Variants in MYBL2 observed in about 807,000 individuals in gnomAD.
MYBL2 encodes the protein myb-related protein B.
MYBL2 carries 28 observed loss-of-function variants against 79.9 expected under a neutral mutation model. The observed-to-expected ratio is 0.35, with a 90% CI of 0.26 to 0.48. MYBL2 has a LOEUF of 0.48. Among genes scored for constraint, MYBL2 ranks in the 20% least tolerant of loss-of-function variants. The pLI is 0.99. For missense variants in MYBL2, 735 were observed against 893.9 expected (o/e 0.82, Z 2.27); for synonymous variants, 378 against 361.2 (o/e 1.05, Z -0.53).
At chr20:43,710,134 C>A in intron 10 of MYBL2, 72 bp downstream of exon 10, 1 of 1,200,816 alleles carries the variant, frequency 8.3e-7, no homozygotes, top group Non-Finnish European at 1.2e-6. Flanking sequence ...CATGTTCAGT[C>A]CACAGGACCC....
intron 6 of MYBL2, among the ~76,000 whole-genome samples, chr20:43,694,333 A>G (rs1028105868): frequency 3.3e-5 from 5 of 152,030 alleles, no homozygotes; most frequent in African/African-American, 1.2e-4. Context: ...CTCTGTCACA[A>G]AAAAATAAAA....
In MYBL2 at chr20:43,669,937, C is replaced by T. The variant is rs368333324; in HGVS notation, c.20+2634C>T. On this transcript the variant is annotated intron_variant, in intron 1 of 13. Transcript: ENST00000217026. Reference sequence around the variant, plus strand: ...ACCAATATGGTGAAACTCCTCGTCTCTACCAAAAATACAAAAATTAGCCGG... The same window carrying T: ...ACCAATATGGTGAAACTCCTCGTCTTTACCAAAAATACAAAAATTAGCCGG... Among the ~76,000 whole-genome samples the T allele has an allele frequency of 2.0e-4, 31 of 152,284 alleles. No individual in the cohort carries two copies. The East Asian group carries it at 5.2e-3, about 26-fold the overall frequency.
chr20:43,686,799 TG>T, intron 4 of MYBL2, 52 bp from the exon 5 acceptor site: 4 of 1,559,302 alleles, frequency 2.6e-6, no homozygotes, highest in East Asian at 2.3e-5. Flanking sequence ...AGGGCTATGG[TG>T]GGGGCGAGAG....
At chr20:43,705,718 T>A (rs1029266842) in intron 9 of MYBL2, among the ~76,000 whole-genome samples, 5 of 136,994 alleles carry the variant, frequency 3.6e-5, no homozygotes, top group East Asian at 2.0e-4. Flanking sequence ...TTATTTATTT[T>A]GAGATGGAGT....
intron 9 of MYBL2, among the ~76,000 whole-genome samples, chr20:43,707,296 T>C (rs1391421831): frequency 6.6e-6 from 1 of 152,120 alleles, no homozygotes; most frequent in Non-Finnish European, 1.5e-5. Flanking sequence ...AACCAGAATC[T>C]TGGACTTCGC....
chr20:43,673,991 A>T (rs1353533936), intron 2 of MYBL2, 92 bp downstream of exon 2: 30 of 1,149,280 alleles, frequency 2.6e-5, no homozygotes, highest in Non-Finnish European at 3.6e-5. Flanking sequence ...ATCAGATGGG[A>T]TGAAGAGGAG....
intron 6 of MYBL2, among the ~76,000 whole-genome samples, chr20:43,693,047 T>C (rs947960856): frequency 2.0e-5 from 3 of 152,218 alleles, no homozygotes; most frequent in Non-Finnish European, 4.4e-5. Context: ...AGGCTGTTTT[T>C]TTTGAGACAG....
chr20:43,699,386 G>T (rs1987631021), intron 6 of MYBL2, among the ~76,000 whole-genome samples: 1 of 152,182 alleles, frequency 6.6e-6, no homozygotes, highest in South Asian at 2.1e-4. Flanking sequence ...TTGAGAGTTA[G>T]TTATGTAGCA....
At chr20:43,679,584 C>T (rs944721798) in intron 2 of MYBL2, among the ~76,000 whole-genome samples, 3 of 151,884 alleles carry the variant, frequency 2.0e-5, no homozygotes, top group African/African-American at 7.3e-5. Context: ...GCTTGGAAAA[C>T]ATAGCAAGAC....
In MYBL2 at chr20:43,705,317, ACTGCACCGGGACAAGACACCC is replaced by A; in HGVS notation, c.1472_1492del (p.Arg491_His497del). On this transcript the variant is annotated inframe_deletion, in exon 9 of 14. Coordinates refer to ENST00000217026, the MANE Select transcript of MYBL2 (RefSeq NM_002466.4). ...GCCAGAAGGTGGTGGTCACCACACC[ACTGCACCGGGACAAGACACCC>A]CTGCACCAGAAACATGCTGCGTGAG... The A allele has an allele frequency of 6.2e-7, 1 of 1,613,844 alleles. No homozygotes were observed. Among genetic ancestry groups the A allele is most frequent in the Non-Finnish European group, 8.5e-7 (1 of 1,179,898 alleles).
intron 4 of MYBL2, among the ~76,000 whole-genome samples, chr20:43,684,268 T>G (rs1372651686): frequency 1.3e-5 from 2 of 151,670 alleles, no homozygotes; most frequent in South Asian, 4.2e-4. Flanking sequence ...GACTGAGTCT[T>G]GCTCTGTCGT....
At chr20:43,676,900 A>G (rs972835988) in intron 2 of MYBL2, among the ~76,000 whole-genome samples, 12 of 145,110 alleles carry the variant, frequency 8.3e-5, no homozygotes, top group African/African-American at 3.1e-4. Context: ...GTATTGTATT[A>G]TTTGTATTGC....
chr20:43,682,216 T>C (rs1600546771), intron 3 of MYBL2, among the ~76,000 whole-genome samples: 1 of 150,154 alleles, frequency 6.7e-6, no homozygotes, highest in African/African-American at 2.5e-5. Context: ...GCAGGCTTCA[T>C]GGTGAGGCCC....
At chr20:43,695,574 G>C (rs900125620) in intron 6 of MYBL2, among the ~76,000 whole-genome samples, 1 of 152,140 alleles carries the variant, frequency 6.6e-6, no homozygotes, top group African/African-American at 2.4e-5. Flanking sequence ...CCTTTTGGCT[G>C]AGTATGGTGG....
chr20:43,699,470 T>G (rs969427229), intron 6 of MYBL2, among the ~76,000 whole-genome samples: 4 of 152,244 alleles, frequency 2.6e-5, no homozygotes, highest in African/African-American at 9.6e-5. Flanking sequence ...AATTTAAGCC[T>G]AATTCAGGAT....
Position 43,699,749 on chromosome 20 carries a change from T to C in MYBL2, c.664-8T>C. ...GAAATGCAAATGGTGTATTCTTGTG[T>C]CTTACAGGGAAGTCTTCTGACCAAC... On this transcript the variant is annotated splice_polypyrimidine_tract_variant and splice_region_variant and intron_variant, in intron 6 of 13. Coordinates refer to ENST00000217026, the MANE Select transcript of MYBL2 (RefSeq NM_002466.4). The C allele has an allele frequency of 6.2e-7, 1 of 1,613,806 alleles. No homozygotes were observed. The highest frequency in any genetic ancestry group is 1.1e-5 in the South Asian group (1 of 91,050).
intron 2 of MYBL2, among the ~76,000 whole-genome samples, chr20:43,679,125 T>TG (rs1987086443): frequency 6.6e-6 from 1 of 152,180 alleles, no homozygotes; most frequent in South Asian, 2.1e-4. Context: ...GGTAAGAGCC[T>TG]GGCCAGGGCA....
intron 1 of MYBL2, among the ~76,000 whole-genome samples, chr20:43,668,923 G>A (rs1986789387): frequency 6.6e-6 from 1 of 152,104 alleles, no homozygotes; most frequent in Non-Finnish European, 1.5e-5. Context: ...CTGGAGTGCA[G>A]TGGCACAATC....
chr20:43,715,996 C>T lies in MYBL2; in HGVS notation c.2012C>T (p.Thr671Ile), dbSNP rs1988023689. The change falls in exon 14 of 14, where the codon ACC (threonine) becomes ATC (isoleucine). Residue 671 changes from threonine (T) to isoleucine (I), a missense_variant. Thr to Ile is a moderately conservative substitution (Grantham distance 89). Around this residue, in one of 5 missense-constraint regions of MYBL2, gnomAD observed 204 missense variants for 202.9 expected, o/e 1.01. Transcript: ENST00000217026. ...SAWKTVACGG[T>I]RDQLFMQEKA... is the part of the protein sequence containing the mutation. The stretch of plus-strand genomic sequence containing the variant: ...TGGAAGACGGTGGCCTGCGGGGGGA[C>T]CAGGGACCAGCTTTTCATGCAGGAG... The T allele has an allele frequency of 6.2e-7, 1 of 1,612,212 alleles. No homozygotes were observed. Among genetic ancestry groups the T allele is most frequent in the Non-Finnish European group, 8.5e-7 (1 of 1,179,846 alleles).
Sources: gnomAD v4.1 joint callset for allele counts (sites outside exome capture counted in the v4.1 genomes callset) on GRCh38, gnomAD v4.1.1 for gene constraint, gnomAD v4.1.1 regional missense constraint, MANE v1.5 for transcripts, NCBI Gene and HGNC (gene_info 2026-07-23, HGNC 2026-07-21) for gene names.